VAT1L: variants seen among roughly 807,000 people sequenced by gnomAD.
VAT1L encodes the protein vesicle amine transport 1 like.
In VAT1L, 34 loss-of-function variants were observed where a neutral mutation model predicts 44.1. The observed-to-expected ratio is 0.77, with a 90% confidence interval of 0.59 to 1.03. VAT1L has a LOEUF of 1.03. Ranked by LOEUF, VAT1L falls within the 50% of genes least tolerant of loss-of-function variation. The pLI, the probability that VAT1L is intolerant of heterozygous loss-of-function variation, is 0.00. For synonymous variants in VAT1L, 253 were observed against 202.2 expected, an observed-to-expected ratio of 1.25 and a Z score of -2.13; for missense variants, 615 against 538.8, an observed-to-expected ratio of 1.14 and a Z score of -1.40.
At chr16:77,810,793 T>G (rs968923059) in intron 1 of VAT1L, among the ~76,000 whole-genome samples, 1 of 152,184 alleles carries the variant, frequency 6.6e-6, no homozygotes, top group Non-Finnish European at 1.5e-5. Flanking sequence ...ATAAGATCCA[T>G]AAAGCCAATC....
At chr16:77,964,623 A>C (rs916617995) in intron 7 of VAT1L, among the ~76,000 whole-genome samples, 1 of 152,074 alleles carries the variant, frequency 6.6e-6, no homozygotes, top group African/African-American at 2.4e-5. Flanking sequence ...GGTAACAAAC[A>C]TATCCTCAGG....
At chr16:77,892,372 G>A in intron 7 of VAT1L, 2 of 368,494 alleles carry the variant, frequency 5.4e-6, no homozygotes, top group Non-Finnish European at 1.1e-5. Flanking sequence ...AGCACAGTGT[G>A]GGGCAAGGAT....
At chr16:77,880,261 A>AC (rs997277249) in intron 6 of VAT1L, among the ~76,000 whole-genome samples, 102 of 151,858 alleles carry the variant, frequency 6.7e-4, no homozygotes, top group Middle Eastern at 3.4e-3. Context: ...GGCTGTAGCA[A>AC]CCCTCCTGCT....
At chr16:77,802,401 G>C (rs1217315176) in intron 1 of VAT1L, among the ~76,000 whole-genome samples, 2 of 152,076 alleles carry the variant, frequency 1.3e-5, no homozygotes, top group Non-Finnish European at 2.9e-5. Context: ...TGGAGCACAA[G>C]GTCAGGAGTT....
chr16:77,863,663 G>C (rs111603227), intron 4 of VAT1L, among the ~76,000 whole-genome samples: 82 of 152,314 alleles, frequency 5.4e-4, no homozygotes, highest in African/African-American at 1.8e-3. Flanking sequence ...AGGAATGCAA[G>C]AGCCTCAGAG....
At chr16:77,922,320 C>G (rs2017620636) in intron 7 of VAT1L, among the ~76,000 whole-genome samples, 1 of 152,104 alleles carries the variant, frequency 6.6e-6, no homozygotes, top group African/African-American at 2.4e-5. Flanking sequence ...CTGAGTTTCT[C>G]AGAGCCACAG....
In VAT1L at chr16:77,806,738, T is replaced by G. The variant is rs147860948; in HGVS notation, c.234-10183T>G. 7.7e-3 allele frequency among the ~76,000 whole-genome samples: 1,166 copies of G among 152,348 alleles called. 10 individuals are homozygous for G. Among genetic ancestry groups the G allele is most frequent in the Middle Eastern group, 0.014 (4 of 294 alleles). On this transcript the variant is annotated intron_variant, in intron 1 of 8. Coordinates refer to ENST00000302536, the MANE Select transcript of VAT1L (RefSeq NM_020927.3). ...TTTTATCATATCTTTTATGATATGA[T>G]AACATATCATAAAACATAAGAACTT... is the stretch of plus-strand genomic sequence containing the variant.
chr16:77,916,207 G>A (rs1390187894), intron 7 of VAT1L, among the ~76,000 whole-genome samples: 1 of 152,162 alleles, frequency 6.6e-6, no homozygotes, highest in African/African-American at 2.4e-5. Flanking sequence ...CTGGAAGTCA[G>A]TTTGGGTTTC....
At chr16:77,877,248 C>T (rs532141678) in intron 5 of VAT1L, among the ~76,000 whole-genome samples, 10 of 152,232 alleles carry the variant, frequency 6.6e-5, no homozygotes, top group African/African-American at 2.2e-4. Flanking sequence ...CAGTGGCTCA[C>T]GCCTGTAATC....
chr16:77,973,753 T>A (rs1944375731), intron 8 of VAT1L, among the ~76,000 whole-genome samples: 1 of 151,622 alleles, frequency 6.6e-6, no homozygotes, highest in African/African-American at 2.4e-5. Flanking sequence ...TGAGATGGGG[T>A]CTCGCTCTGT....
intron 7 of VAT1L, among the ~76,000 whole-genome samples, chr16:77,936,967 C>T (rs758642386): frequency 7.2e-5 from 11 of 152,180 alleles, no homozygotes; most frequent in Non-Finnish European, 1.3e-4. Context: ...TCAGTGCATC[C>T]TCCACCTACC....
chr16:77,838,800 TTTC>T (rs2016669171), intron 3 of VAT1L, among the ~76,000 whole-genome samples: 1 of 151,814 alleles, frequency 6.6e-6, no homozygotes. Flanking sequence ...CTCTCTCTCA[TTTC>T]TTTCCTTCTT....
rs761371836 is a variant in VAT1L, at chr16:77,884,643, G to A, written c.918G>A (p.Leu306=). 3.1e-6 allele frequency: 5 copies of A among 1,613,614 alleles called. No homozygotes were observed. The highest frequency in any genetic ancestry group is 4.2e-6 in the Non-Finnish European group (5 of 1,179,886). ...TGGAGAAGGTGAACCCCATCAAGCTGTATGAGGAGAACAAAGTCATCGCGG... is the reference window on the plus strand; with the variant it reads ...TGGAGAAGGTGAACCCCATCAAGCTATATGAGGAGAACAAAGTCATCGCGG... ...WQVEKVNPIK[L]YEENKVIAGF... Residue 306 remains leucine, a synonymous_variant, in exon 7 of 9, where the codon CTG becomes CTA. Coordinates refer to ENST00000302536, the MANE Select transcript of VAT1L (RefSeq NM_020927.3). This position sits in a 1 kb window ranked among gnomAD's most constrained non-coding sequence, Gnocchi z 4.5.
intron 7 of VAT1L, among the ~76,000 whole-genome samples, chr16:77,919,639 T>C (rs1384605690): frequency 6.6e-6 from 1 of 152,156 alleles, no homozygotes; most frequent in Non-Finnish European, 1.5e-5. Context: ...GAGATGACTG[T>C]GATAGAGAAG....
intron 7 of VAT1L, among the ~76,000 whole-genome samples, chr16:77,959,891 G>A (rs2018143429): frequency 6.6e-6 from 1 of 152,008 alleles, no homozygotes; most frequent in African/African-American, 2.4e-5. Context: ...CCAGAATTTT[G>A]TCCCACCTTG....
chr16:77,844,845 CGT>C (rs2016743156), intron 3 of VAT1L, among the ~76,000 whole-genome samples: 1 of 144,146 alleles, frequency 6.9e-6, no homozygotes, highest in Admixed American at 7.0e-5. Flanking sequence ...ACGATAAATA[CGT>C]GTGTGTGCAT....
At chr16:77,911,771 G>A (rs1021233890) in intron 7 of VAT1L, among the ~76,000 whole-genome samples, 1 of 152,150 alleles carries the variant, frequency 6.6e-6, no homozygotes, top group Non-Finnish European at 1.5e-5. Context: ...ATGAAGAAAG[G>A]GACTCCCCAG....
chr16:77,954,568 T>C (rs1444923816), intron 7 of VAT1L, among the ~76,000 whole-genome samples: 1 of 152,136 alleles, frequency 6.6e-6, no homozygotes, highest in South Asian at 2.1e-4. Context: ...GAGGTTGCAA[T>C]GAGCCAAGAT....
At chr16:77,850,624 G>A (rs1195143455) in intron 3 of VAT1L, among the ~76,000 whole-genome samples, 1 of 152,186 alleles carries the variant, frequency 6.6e-6, no homozygotes, top group African/African-American at 2.4e-5. Flanking sequence ...CACAATAGTA[G>A]TTTGAGTCGT....
Sources: gnomAD v4.1 joint callset for allele counts (sites outside exome capture counted in the v4.1 genomes callset) on GRCh38, gnomAD v4.1.1 for gene constraint, Gnocchi (gnomAD v3.1) non-coding constraint, MANE v1.5 for transcripts, NCBI Gene and HGNC (gene_info 2026-07-23, HGNC 2026-07-21) for gene names.